The following RBFOX1 variants were observed in gnomAD, a reference collection of about 807,000 sequenced individuals.
RBFOX1 encodes the protein RNA binding protein fox-1 homolog 1.
In RBFOX1, 8 loss-of-function variants were observed where a neutral mutation model predicts 57.7. That is an observed-to-expected ratio of 0.14 (90% CI 0.08 to 0.25). The LOEUF (loss-of-function observed/expected upper bound fraction) is 0.25, where lower values mean the gene tolerates loss of function less well. Among genes scored for constraint, RBFOX1 ranks in the 10% least tolerant of loss-of-function variants. RBFOX1 has a pLI of 1.00. For missense variants in RBFOX1, 611 were observed against 548.5 expected (o/e 1.11, Z -1.14); for synonymous variants, 326 against 222.4 (o/e 1.47, Z -4.15).
intron 2 of RBFOX1, among the ~76,000 whole-genome samples, chr16:6,327,997 T>C (rs1046446694): frequency 5.3e-5 from 8 of 152,204 alleles, no homozygotes; most frequent in African/African-American, 1.9e-4. Flanking sequence ...GTATAAAGGT[T>C]GTGCATTGCC....
intron 14 of RBFOX1, among the ~76,000 whole-genome samples, chr16:7,677,623 A>C (rs769431927): frequency 3.9e-5 from 6 of 152,122 alleles, no homozygotes; most frequent in Admixed American, 6.6e-5. Context: ...TGAAAAGGAA[A>C]GTGTGTGTTT....
At chr16:7,393,712 G>T (rs376421751) in intron 4 of RBFOX1, among the ~76,000 whole-genome samples, 1 of 152,066 alleles carries the variant, frequency 6.6e-6, no homozygotes, top group Non-Finnish European at 1.5e-5. Flanking sequence ...TCCCCACCCC[G>T]TTTCATCCAT....
chr16:6,526,856 A>AAC (rs1567560908), intron 2 of RBFOX1, among the ~76,000 whole-genome samples: 1 of 132,850 alleles, frequency 7.5e-6, no homozygotes, highest in East Asian at 2.1e-4. Flanking sequence ...AAAAAAAAAA[A>AAC]AAACAACCAG....
At chr16:7,090,882 G>C (rs1389826951) in intron 4 of RBFOX1, among the ~76,000 whole-genome samples, 2 of 84,642 alleles carry the variant, frequency 2.4e-5, no homozygotes, top group African/African-American at 8.2e-5. Flanking sequence ...CTCTTGACCA[G>C]CACAACCTCC....
intron 3 of RBFOX1, among the ~76,000 whole-genome samples, chr16:5,831,814 T>C (rs2056285766): frequency 6.6e-6 from 1 of 152,184 alleles, no homozygotes; most frequent in South Asian, 2.1e-4. Context: ...CTGTCTTCAC[T>C]ATATAGTGGT....
intron 3 of RBFOX1, among the ~76,000 whole-genome samples, chr16:6,688,003 C>G (rs1013347759): frequency 1.3e-5 from 2 of 152,202 alleles, no homozygotes; most frequent in East Asian, 3.8e-4. Flanking sequence ...ATCTTCTATG[C>G]CAAGCACTGT....
At chr16:7,347,882 G>C (rs2097048124) in intron 4 of RBFOX1, among the ~76,000 whole-genome samples, 1 of 152,106 alleles carries the variant, frequency 6.6e-6, no homozygotes, top group Non-Finnish European at 1.5e-5. Context: ...CAGGCGTCTT[G>C]CAGGGTGTAT....
chr16:6,477,266 C>G (rs1262788030), intron 2 of RBFOX1, among the ~76,000 whole-genome samples: 1 of 152,170 alleles, frequency 6.6e-6, no homozygotes, highest in African/African-American at 2.4e-5. Context: ...TTGCCCAGAA[C>G]CATCAGAAGA....
intron 2 of RBFOX1, among the ~76,000 whole-genome samples, chr16:6,513,680 G>A (rs1355352316): frequency 6.6e-6 from 1 of 152,156 alleles, no homozygotes; most frequent in Non-Finnish European, 1.5e-5. Context: ...GTTGTAGTGA[G>A]CCGAAATCGC....
intron 4 of RBFOX1, among the ~76,000 whole-genome samples, chr16:5,901,890 C>G (rs2058313111): frequency 6.6e-6 from 1 of 152,182 alleles, no homozygotes; most frequent in Non-Finnish European, 1.5e-5. Flanking sequence ...CCCAAGCATT[C>G]TTGATCTTCA....
At chr16:7,513,123 C>T (rs2075552396) in intron 4 of RBFOX1, among the ~76,000 whole-genome samples, 2 of 152,072 alleles carry the variant, frequency 1.3e-5, no homozygotes. Context: ...ATTAGCCAGT[C>T]ATCATGGCGG....
chr16:6,861,394 C>G (rs914380249), intron 3 of RBFOX1, among the ~76,000 whole-genome samples: 2 of 152,068 alleles, frequency 1.3e-5, no homozygotes, highest in East Asian at 1.9e-4. Flanking sequence ...ATGGACCAGT[C>G]AAGCAGTTCC....
At chr16:6,435,423 C>T (rs551339325) in intron 2 of RBFOX1, among the ~76,000 whole-genome samples, 1 of 152,258 alleles carries the variant, frequency 6.6e-6, no homozygotes, top group Non-Finnish European at 1.5e-5. Flanking sequence ...GCCTCAGCCT[C>T]CCGAGTAGCT....
At chr16:5,297,276 T>C (rs2151189150) in intron 1 of RBFOX1, among the ~76,000 whole-genome samples, 1 of 152,368 alleles carries the variant, frequency 6.6e-6, no homozygotes, top group African/African-American at 2.4e-5. Flanking sequence ...GATGTGTGAC[T>C]GCTGGATCAT....
intron 4 of RBFOX1, among the ~76,000 whole-genome samples, chr16:7,460,372 T>A (rs915632171): frequency 2.7e-5 from 2 of 75,360 alleles, no homozygotes; most frequent in African/African-American, 1.7e-4. Flanking sequence ...TTTAGCAAAA[T>A]ATATATATAT....
intron 10 of RBFOX1, among the ~76,000 whole-genome samples, chr16:7,626,918 C>G (rs1413702978): frequency 6.6e-6 from 1 of 152,146 alleles, no homozygotes; most frequent in Non-Finnish European, 1.5e-5. Flanking sequence ...TGATTTGGCT[C>G]TACCGCAGGT....
intron 2 of RBFOX1, among the ~76,000 whole-genome samples, chr16:6,599,277 A>T (rs1239633426): frequency 6.6e-6 from 1 of 152,192 alleles, no homozygotes; most frequent in Non-Finnish European, 1.5e-5. Flanking sequence ...CTTCCAATAA[A>T]GCAAAACCAC....
intron 2 of RBFOX1, among the ~76,000 whole-genome samples, chr16:6,478,388 AATATATATATATATATATATATATATAT>A (rs71406379): frequency 2.4e-5 from 1 of 41,572 alleles, no homozygotes; most frequent in African/African-American, 1.1e-4. Flanking sequence ...ACACCCAGCT[AATATATATATATATATATATATATATAT>A]ATATATATAT....
At chr16:6,621,852 G>A (rs576321804) in intron 2 of RBFOX1, among the ~76,000 whole-genome samples, 8 of 152,236 alleles carry the variant, frequency 5.3e-5, no homozygotes, top group East Asian at 3.9e-4. Context: ...ATTGAGAGAC[G>A]CTTGACGAAC....
Sources: gnomAD v4.1 joint callset for allele counts (sites outside exome capture counted in the v4.1 genomes callset) on GRCh38, gnomAD v4.1.1 for gene constraint, MANE v1.5 for transcripts, NCBI Gene and HGNC (gene_info 2026-07-23, HGNC 2026-07-21) for gene names.